HAUS6: variants seen among roughly 807,000 people sequenced by gnomAD.
The protein encoded by HAUS6 is HAUS augmin like complex subunit 6, also known as HAUS augmin-like complex subunit 6.
HAUS6 carries 80 observed loss-of-function variants against 106.8 expected under a neutral mutation model. The ratio of observed to expected loss-of-function variants is 0.75; its 90% CI spans 0.63 to 0.90. The LOEUF is 0.90. Ranked by LOEUF, HAUS6 falls within the 40% of genes least tolerant of loss-of-function variation. HAUS6 has a pLI of 0.00. For synonymous variants in HAUS6, 356 were observed against 379.1 expected, an observed-to-expected ratio of 0.94 and a Z score of 0.71; for missense variants, 1,155 against 1,118.1, an observed-to-expected ratio of 1.03 and a Z score of -0.47.
rs762428564 is a variant in HAUS6, at chr9:19,102,685, A to C, written c.-34T>G. The C allele has an allele frequency of 2.5e-6, 4 of 1,601,838 alleles. No individual in the cohort carries two copies. The African/African-American group carries it at 4.0e-5, about 16-fold the overall frequency. On this transcript the variant is annotated 5_prime_UTR_variant, in exon 1 of 17. Transcript: ENST00000380502. ...TAGGCACGGTGGCTGCAAAGAAAGA[A>C]AGCGCAAGCCCAGGGGACTCGGAGG...
At chr9:19,076,317 G>A (rs148542760) in intron 11 of HAUS6, among the ~76,000 whole-genome samples, 1 of 151,944 alleles carries the variant, frequency 6.6e-6, no homozygotes, top group East Asian at 1.9e-4. Context: ...TTGTTCGACT[G>A]CACTCCAGCT....
In HAUS6 at chr9:19,053,329, G is replaced by A. The variant is rs192965409; in HGVS notation, c.*3014C>T. ...ACATTTACTTCAATGCTTTTACATT[G>A]AGGAAAACGTCATTAAACGTATTTT... On this transcript the variant is annotated 3_prime_UTR_variant, in exon 17 of 17. Transcript: ENST00000380502. The A allele has an allele frequency of 6.6e-5, 10 of 152,236 alleles. No individual in the cohort carries two copies. In the East Asian group the frequency reaches 1.9e-3, roughly 29 times the overall value. 9.4% of individuals were successfully genotyped at this position (152,236 alleles called of 1,614,324 possible).
At chr9:19,089,043 G>C (rs2131145230) in intron 5 of HAUS6, among the ~76,000 whole-genome samples, 1 of 152,284 alleles carries the variant, frequency 6.6e-6, no homozygotes, top group South Asian at 2.1e-4. Context: ...AGAAGTTTGA[G>C]ATCAGTCTAG....
chr9:19,063,695 A>C lies in HAUS6; in HGVS notation c.1377-115T>G, dbSNP rs368402051. 4.3e-5 allele frequency: 35 copies of C among 814,064 alleles called. No homozygotes were observed. In the African/African-American group the frequency reaches 5.4e-4, roughly 12 times the overall value. The allele number at this position is 814,064 out of a possible 1,614,324, so 50.4% of individuals were successfully genotyped here. On this transcript the variant is annotated intron_variant, in intron 12 of 16. Coordinates refer to ENST00000380502, the MANE Select transcript of HAUS6 (RefSeq NM_017645.5). Reference sequence around the variant, plus strand: ...TATCTGTCCGTTACGATTTCACTCAATTCGTCCCGGTCATCAAAAGGCAGT... The same window carrying C: ...TATCTGTCCGTTACGATTTCACTCACTTCGTCCCGGTCATCAAAAGGCAGT...
chr9:19,086,096 G>A (rs1170299455), intron 7 of HAUS6, among the ~76,000 whole-genome samples: 2 of 151,900 alleles, frequency 1.3e-5, no homozygotes, highest in African/African-American at 2.4e-5. Flanking sequence ...CAGATCACCT[G>A]AGGTCAGGAG....
intron 11 of HAUS6, among the ~76,000 whole-genome samples, chr9:19,072,098 G>A (rs1277236204): frequency 6.6e-6 from 1 of 151,840 alleles, no homozygotes; most frequent in Non-Finnish European, 1.5e-5. Context: ...CTTGAACTAG[G>A]GGAAGCGCTT....
In HAUS6 at chr9:19,053,445, A is replaced by G. The variant is rs1836400367; in HGVS notation, c.*2898T>C. ...TTTTCCTTTAGATAAATTTGACTTC[A>G]TAGTCAAGAGTCTCATGGTAAAGAA... On this transcript the variant is annotated 3_prime_UTR_variant, in exon 17 of 17. Transcript: ENST00000380502. The G allele has an allele frequency of 6.6e-6, 1 of 152,176 alleles. No individual in the cohort carries two copies. Among genetic ancestry groups the G allele is most frequent in the African/African-American group, 2.4e-5 (1 of 41,458 alleles). The allele number at this position is 152,176 out of a possible 1,614,324, so 9.4% of individuals were successfully genotyped here.
chr9:19,089,463 T>C lies in HAUS6; in HGVS notation c.533A>G (p.Gln178Arg). The C allele has an allele frequency of 2.5e-6, 4 of 1,612,602 alleles. No individual in the cohort carries two copies. Among genetic ancestry groups the C allele is most frequent in the Non-Finnish European group, 3.4e-6 (4 of 1,178,626 alleles). ...AACACAATCTTGTCTTTGCAAAATT[T>C]GTAAAAATCTGCTACGTGCGAAATG... ...RCHFARSRFLQILQRQDCVTQ... is the reference protein window; with the variant it reads ...RCHFARSRFLRILQRQDCVTQ... Residue 178 changes from glutamine to arginine, a missense_variant, in exon 5 of 17, where the codon CAA becomes CGA. Around this residue, in one of 3 missense-constraint regions of HAUS6, gnomAD observed 761 missense variants for 690.0 expected, o/e 1.10. Coordinates refer to ENST00000380502, the MANE Select transcript of HAUS6 (RefSeq NM_017645.5).
chr9:19,090,075 G>T (rs1012893922), intron 4 of HAUS6, among the ~76,000 whole-genome samples: 1 of 152,020 alleles, frequency 6.6e-6, no homozygotes, highest in Non-Finnish European at 1.5e-5. Flanking sequence ...CAGGACTCAA[G>T]GGATCCTCCT....
chr9:19,070,263 T>C lies in HAUS6; in HGVS notation c.1332A>G (p.Arg444=). 1 of 1,602,940 alleles carries C rather than the reference T, an allele frequency of 6.2e-7. No homozygotes were observed. The highest frequency in any genetic ancestry group is 8.5e-7 in the Non-Finnish European group (1 of 1,170,212). Residue 444 remains arginine, a synonymous_variant, in exon 12 of 17, where the codon AGA becomes AGG. Coordinates refer to ENST00000380502, the MANE Select transcript of HAUS6 (RefSeq NM_017645.5). The part of the protein sequence containing the change: ...HKQHNQENGC[R]GDSDTLGALH... ...GCGCTCCCAAGGTATCACTGTCTCC[T>C]CTGCAACCATTTTCTTGGTTATGTT...
chr9:19,087,687 C>T (rs1174685950), intron 5 of HAUS6, among the ~76,000 whole-genome samples: 1 of 151,642 alleles, frequency 6.6e-6, no homozygotes. Context: ...GACCCTGTCT[C>T]TACAAAAAAA....
At chr9:19,094,782 A>G (rs1304778550) in intron 2 of HAUS6, among the ~76,000 whole-genome samples, 5 of 152,144 alleles carry the variant, frequency 3.3e-5, no homozygotes, top group Non-Finnish European at 7.4e-5. Context: ...CCCTGTCTCA[A>G]AAGAAAAAAA....
In HAUS6 at chr9:19,102,863, G is replaced by T. The variant is rs1322137474; in HGVS notation, c.-212C>A. 2.2e-6 allele frequency: 1 copy of T among 445,236 alleles called. No homozygotes were observed. The highest frequency in any genetic ancestry group is 2.0e-5 in the African/African-American group (1 of 49,084). 27.6% of individuals were successfully genotyped at this position (445,236 alleles called of 1,614,324 possible). ...CTAACGGTATAGTGCGGCCACCACT[G>T]CCTCAGCGAAGCCACCACAAACCGA... On this transcript the variant is annotated 5_prime_UTR_variant, in exon 1 of 17. Transcript: ENST00000380502.
At chr9:19,071,179 A>G (rs773503307) in intron 11 of HAUS6, among the ~76,000 whole-genome samples, 6 of 152,228 alleles carry the variant, frequency 3.9e-5, no homozygotes, top group East Asian at 1.9e-4. Context: ...ACAGAGGTAA[A>G]AAGTATATAC....
At position 19,054,837 on chromosome 9, in the gene HAUS6, G is replaced by A. The variant is rs935882738; in HGVS notation, c.*1506C>T. ...AATAATACACATTAAGTGTCTAGCA[G>A]TGGCTTTGGCACTTCTGCAGATGCT... On this transcript the variant is annotated 3_prime_UTR_variant, in exon 17 of 17. Coordinates refer to ENST00000380502, the MANE Select transcript of HAUS6 (RefSeq NM_017645.5). The A allele has an allele frequency of 1.3e-5, 2 of 152,204 alleles. No individual in the cohort carries two copies. Among genetic ancestry groups the A allele is most frequent in the African/African-American group, 4.8e-5 (2 of 41,456 alleles). 9.4% of individuals were successfully genotyped at this position (152,204 alleles called of 1,614,324 possible).
chr9:19,100,783 T>C (rs1179229707), intron 1 of HAUS6, among the ~76,000 whole-genome samples: 1 of 152,250 alleles, frequency 6.6e-6, no homozygotes, highest in Non-Finnish European at 1.5e-5. Flanking sequence ...TCCTGTCATC[T>C]GCAGCAACAT....
rs148389196 is a variant in HAUS6 at position 19,083,007 on chromosome 9, T to C, written c.736A>G (p.Met246Val). 2.9e-5 allele frequency: 46 copies of C among 1,588,190 alleles called. No homozygotes were observed. The African/African-American group carries it at 5.5e-4, about 19-fold the overall frequency. Reference protein sequence around the residue: ...SLWASVNETLMFLEKEREVVS... With the variant: ...SLWASVNETLVFLEKEREVVS... ...ACTTCTCTCTCTTTTTCCAAAAACA[T>C]GAGCGTTTCATTCACTGAAGCCCAC... is the stretch of plus-strand genomic sequence containing the variant. Residue 246 changes from methionine to valine, a missense_variant, in exon 8 of 17, where the codon ATG (methionine) becomes GTG (valine). Physicochemically the swap from Met to Val is conservative, Grantham distance 21. Transcript: ENST00000380502.
chr9:19,071,750 T>G lies in HAUS6; in HGVS notation c.1295-1450A>C, dbSNP rs987944760. 3.3e-5 allele frequency among the ~76,000 whole-genome samples: 5 copies of G among 151,978 alleles called. 1 individual carries two copies. Among genetic ancestry groups the G allele is most frequent in the Admixed American group, 1.3e-4 (2 of 15,250 alleles). On this transcript the variant is annotated intron_variant, in intron 11 of 16. Transcript: ENST00000380502. ...CACCATGCCCAGCTAATTTTTTGTG[T>G]TTTTTTATAGAGACAGGGTTTCACT...
chr9:19,060,794 A>G (rs1055526155), intron 14 of HAUS6, among the ~76,000 whole-genome samples: 14 of 152,252 alleles, frequency 9.2e-5, no homozygotes, highest in African/African-American at 3.4e-4. Flanking sequence ...TAAAACCGAA[A>G]AAGAAAAAAC....
Sources: gnomAD v4.1 joint callset for allele counts (sites outside exome capture counted in the v4.1 genomes callset) on GRCh38, gnomAD v4.1.1 for gene constraint, gnomAD v4.1.1 regional missense constraint, MANE v1.5 for transcripts, NCBI Gene and HGNC (gene_info 2026-07-23, HGNC 2026-07-21) for gene names.